RPRD1B: variants seen among roughly 807,000 people sequenced by gnomAD.
The protein encoded by RPRD1B is regulation of nuclear pre-mRNA domain-containing protein 1B.
A neutral mutation model predicts 41.5 loss-of-function variants in RPRD1B; 11 were observed. The observed-to-expected ratio is 0.27, with a 90% CI of 0.17 to 0.44. The LOEUF (loss-of-function observed/expected upper bound fraction) is 0.44, where lower values mean the gene tolerates loss of function less well. RPRD1B is among the 20% of genes least tolerant of loss of function. RPRD1B has a pLI of 1.00. For synonymous variants in RPRD1B, 158 were observed against 155.6 expected (o/e 1.02, Z -0.12); for missense variants, 248 against 389.9 (o/e 0.64, Z 3.06).
At chr20:38,048,894 AG>A (rs1353855280) in intron 3 of RPRD1B, among the ~76,000 whole-genome samples, 5 of 152,186 alleles carry the variant, frequency 3.3e-5, no homozygotes, top group African/African-American at 1.2e-4. Flanking sequence ...AATTAAATGT[AG>A]ATGTGCTTTT....
At chr20:38,046,281 C>T (rs1187650378) in intron 2 of RPRD1B, among the ~76,000 whole-genome samples, 2 of 152,084 alleles carry the variant, frequency 1.3e-5, no homozygotes, top group African/African-American at 2.4e-5. Context: ...CTTCATTGGT[C>T]GAGCTGAGGA....
chr20:38,053,921 T>G (rs1341608005), intron 3 of RPRD1B, among the ~76,000 whole-genome samples: 1 of 152,174 alleles, frequency 6.6e-6, no homozygotes, highest in African/African-American at 2.4e-5. Context: ...TAAGGGATCT[T>G]GAGTATCCCT....
At chr20:38,066,430 T>A (rs2122737668) in intron 6 of RPRD1B, among the ~76,000 whole-genome samples, 174 bp downstream of exon 6, 1 of 152,326 alleles carries the variant, frequency 6.6e-6, no homozygotes, top group Middle Eastern at 3.4e-3. Context: ...AAAATTGAAG[T>A]CATGTTCTTA....
chr20:38,092,288 T>C lies in RPRD1B; in HGVS notation c.*2413T>C, dbSNP rs1390735223. 4 of 985,242 alleles carry C rather than the reference T, an allele frequency of 4.1e-6. No individual in the cohort carries two copies. Among genetic ancestry groups the C allele is most frequent in the Non-Finnish European group, 3.6e-6 (3 of 829,346 alleles). 61.0% of individuals were successfully genotyped at this position (985,242 alleles called of 1,614,324 possible). On this transcript the variant is annotated 3_prime_UTR_variant, in exon 7 of 7. Transcript: ENST00000373433. ...TTTAGGACTATTTAGAAGTATAGGC[T>C]GTCGTTGGCGGCAGCAGTATATTCT...
chr20:38,052,752 GTTTTTTTTTT>G (rs146687415), intron 3 of RPRD1B, among the ~76,000 whole-genome samples: 4 of 81,702 alleles, frequency 4.9e-5, no homozygotes, highest in Middle Eastern at 7.8e-3. Context: ...CAAACGCGGT[GTTTTTTTTTT>G]TTTTTTTTTT....
chr20:38,038,757 C>T (rs951966324), intron 1 of RPRD1B, among the ~76,000 whole-genome samples: 1 of 152,120 alleles, frequency 6.6e-6, no homozygotes, highest in African/African-American at 2.4e-5. Context: ...CTTGGCCTCC[C>T]GGAGTGCTGG....
Position 38,091,717 on chromosome 20 carries a change from A to G in RPRD1B, c.*1842A>G. ...GGGACACTCTATGCTTTCACCAAGG[A>G]AGTGCGATCTGAGCAGCCACAATCC... On this transcript the variant is annotated 3_prime_UTR_variant, in exon 7 of 7. Coordinates refer to ENST00000373433, the MANE Select transcript of RPRD1B (RefSeq NM_021215.4). The G allele has an allele frequency of 2.0e-6, 2 of 985,724 alleles. No homozygotes were observed. Among genetic ancestry groups the G allele is most frequent in the South Asian group, 9.4e-5 (2 of 21,286 alleles). 61.1% of individuals were successfully genotyped at this position (985,724 alleles called of 1,614,324 possible).
intron 3 of RPRD1B, 51 bp downstream of exon 3, chr20:38,048,532 A>T (rs1455544791): frequency 6.5e-7 from 1 of 1,548,942 alleles, no homozygotes; most frequent in East Asian, 2.3e-5. Flanking sequence ...CTACTTTCGA[A>T]TCAAATATGA....
chr20:38,090,965 G>T lies in RPRD1B; in HGVS notation c.*1090G>T. The T allele has an allele frequency of 2.0e-6, 2 of 985,476 alleles. No homozygotes were observed. The highest frequency in any genetic ancestry group is 2.4e-6 in the Non-Finnish European group (2 of 829,950). The allele number at this position is 985,476 out of a possible 1,614,324, so 61.0% of individuals were successfully genotyped here. ...TACTTGCGTCAGATGTTATTGAATA[G>T]CTCGTCTCGGGCAGGGGAAGCGGGG... On this transcript the variant is annotated 3_prime_UTR_variant, in exon 7 of 7. Transcript: ENST00000373433.
intron 2 of RPRD1B, 138 bp downstream of exon 2, chr20:38,040,702 T>C: frequency 1.2e-6 from 1 of 868,436 alleles, no homozygotes; most frequent in Non-Finnish European, 1.7e-6. Flanking sequence ...ATTGTGGTTT[T>C]ATGTTTTGTT....
At chr20:38,040,193 A>C (rs2074051307) in intron 1 of RPRD1B, among the ~76,000 whole-genome samples, 1 of 151,822 alleles carries the variant, frequency 6.6e-6, no homozygotes, top group African/African-American at 2.4e-5. Context: ...CTATCAATTA[A>C]TTACCCTGGT....
intron 6 of RPRD1B, among the ~76,000 whole-genome samples, chr20:38,076,866 G>GTAAATT (rs1370204280): frequency 9.1e-6 from 1 of 110,128 alleles, no homozygotes; most frequent in Admixed American, 9.3e-5. Flanking sequence ...TGCCTTTATT[G>GTAAATT]TAAATGTTGC....
At chr20:38,059,592 A>C in intron 5 of RPRD1B, 72 bp downstream of exon 5, 1 of 1,460,606 alleles carries the variant, frequency 6.8e-7, no homozygotes, top group South Asian at 1.3e-5. Flanking sequence ...CCTAGGCCAT[A>C]CTTAACGTCT....
intron 3 of RPRD1B, among the ~76,000 whole-genome samples, chr20:38,052,752 GTTTTTTTTTTTTTTT>G (rs146687415): frequency 1.2e-5 from 1 of 81,702 alleles, no homozygotes; most frequent in Non-Finnish European, 2.3e-5. Flanking sequence ...CAAACGCGGT[GTTTTTTTTTTTTTTT>G]TTTTTTTTTT....
At chr20:38,078,182 A>G (rs1388758965) in intron 6 of RPRD1B, among the ~76,000 whole-genome samples, 1 of 150,988 alleles carries the variant, frequency 6.6e-6, no homozygotes, top group Non-Finnish European at 1.5e-5. Flanking sequence ...AAAAAAAAAA[A>G]GACTATGGGC....
chr20:38,052,356 G>A (rs2074194153), intron 3 of RPRD1B, among the ~76,000 whole-genome samples: 1 of 152,200 alleles, frequency 6.6e-6, no homozygotes. Context: ...TGGTAGCTAA[G>A]AGTATGAGTT....
intron 2 of RPRD1B, among the ~76,000 whole-genome samples, chr20:38,043,055 T>G (rs571006771): frequency 2.6e-5 from 4 of 152,330 alleles, no homozygotes; most frequent in South Asian, 2.1e-4. Flanking sequence ...GTGCCAAGTA[T>G]GGATCCAGAC....
chr20:38,081,736 A>G lies in RPRD1B; in HGVS notation c.832-7990A>G, dbSNP rs139560291. ...TTTGAGGTATGTTCCTTCGATGCCT[A>G]GTTTGTTGAGGACTCTTAACATGAA... On this transcript the variant is annotated intron_variant, in intron 6 of 6. Transcript: ENST00000373433. 2.8e-3 allele frequency among the ~76,000 whole-genome samples: 421 copies of G among 152,244 alleles called. 3 individuals are homozygous for G. The highest frequency in any genetic ancestry group is 9.7e-3 in the African/African-American group (401 of 41,548).
intron 5 of RPRD1B, chr20:38,065,783 CT>C (rs2074348634): frequency 4.1e-6 from 1 of 243,178 alleles, no homozygotes; most frequent in South Asian, 1.2e-4. Context: ...TTCAATATCT[CT>C]TTATGCTTGT....
Sources: allele counts gnomAD v4.1 joint callset (sites outside exome capture counted in the v4.1 genomes callset), GRCh38; gene constraint gnomAD v4.1.1; transcripts MANE v1.5; gene names NCBI Gene and HGNC (gene_info 2026-07-23, HGNC 2026-07-21).